The following HUNK variants were observed in gnomAD, a reference collection of about 807,000 sequenced individuals.
HUNK encodes the protein hormonally up-regulated neu tumor-associated kinase.
HUNK carries 21 observed loss-of-function variants against 61.0 expected under a neutral mutation model. The observed-to-expected ratio is 0.34, with a 90% CI of 0.24 to 0.50. The LOEUF (loss-of-function observed/expected upper bound fraction) is 0.50, where lower values mean the gene tolerates loss of function less well. Among genes scored for constraint, HUNK ranks in the 20% least tolerant of loss-of-function variants. The probability of loss-of-function intolerance (pLI) is 0.98; values close to 1 mark genes in which losing one functional copy is unlikely to be tolerated. For synonymous variants in HUNK, 371 were observed against 386.1 expected, an observed-to-expected ratio of 0.96 and a Z score of 0.46; for missense variants, 772 against 945.7, an observed-to-expected ratio of 0.82 and a Z score of 2.41.
rs772787408 is a variant in HUNK at position 31,974,527 on chromosome 21, A to G, written c.1011-28A>G. On this transcript the variant is annotated intron_variant, in intron 6 of 10. Transcript: ENST00000270112. ...GGGCTCTCCGTGAAGTGCAGGGGTGACTGGTCCTCTCTCTCTGCACCTCGC... is the reference window on the plus strand; with the variant it reads ...GGGCTCTCCGTGAAGTGCAGGGGTGGCTGGTCCTCTCTCTCTGCACCTCGC... 5 of 1,601,044 alleles carry G rather than the reference A, an allele frequency of 3.1e-6. No homozygotes were observed. The East Asian group carries it at 1.1e-4, about 36-fold the overall frequency.
chr21:31,885,687 C>T lies in HUNK; in HGVS notation c.261+11752C>T, dbSNP rs192027405. Among the ~76,000 whole-genome samples the T allele has an allele frequency of 3.3e-5, 5 of 152,258 alleles. No individual in the cohort carries two copies. In the South Asian group the frequency reaches 1.0e-3, roughly 32 times the overall value. ...GTCTTCTTCCTGTGTCTCTTTACATCGTCTGCCCTCCACGTGTGTCTGTCT... is the reference window on the plus strand; with the variant it reads ...GTCTTCTTCCTGTGTCTCTTTACATTGTCTGCCCTCCACGTGTGTCTGTCT... On this transcript the variant is annotated intron_variant, in intron 1 of 10. Coordinates refer to ENST00000270112, the MANE Select transcript of HUNK (RefSeq NM_014586.2).
At chr21:31,916,673 CTCTT>C (rs1000573560) in intron 1 of HUNK, among the ~76,000 whole-genome samples, 23 of 151,068 alleles carry the variant, frequency 1.5e-4, no homozygotes, top group Middle Eastern at 3.4e-3. Context: ...GGTTTCCTCT[CTCTT>C]TCTTTTTTTT....
chr21:31,962,357 T>C (rs1389699832), intron 5 of HUNK, among the ~76,000 whole-genome samples: 6 of 152,248 alleles, frequency 3.9e-5, no homozygotes, highest in African/African-American at 4.8e-5. Flanking sequence ...TTCAGAACCA[T>C]ACCTTGTTTT....
At chr21:31,940,490 A>G (rs2052762012) in intron 3 of HUNK, among the ~76,000 whole-genome samples, 1 of 152,234 alleles carries the variant, frequency 6.6e-6, no homozygotes, top group Admixed American at 6.5e-5. Context: ...TCTTTAAAAT[A>G]GTGAAAGATA....
chr21:31,917,695 TACACACACACAC>T (rs3056146), intron 1 of HUNK, among the ~76,000 whole-genome samples: 1,823 of 94,926 alleles, frequency 0.019, 15 homozygotes, highest in Middle Eastern at 0.036. Context: ...TTCCCAAACA[TACACACACACAC>T]ACACACACAC....
rs543376556 is a variant in HUNK, at chr21:31,926,988, T to C, written c.554+2228T>C. ...TTTCCTTTTTCTTTCTTTCTTCCTT[T>C]CTTTCTTTCTCTCTCTCTCTTTCTT... On this transcript the variant is annotated intron_variant, in intron 2 of 10. Transcript: ENST00000270112. Among the ~76,000 whole-genome samples the C allele has an allele frequency of 2.2e-3, 322 of 148,732 alleles. 2 individuals are homozygous for C. Among genetic ancestry groups the C allele is most frequent in the Non-Finnish European group, 2.2e-3 (149 of 66,430 alleles).
intron 8 of HUNK, among the ~76,000 whole-genome samples, chr21:31,987,867 G>C (rs536242324): frequency 1.1e-4 from 17 of 152,198 alleles, no homozygotes; most frequent in Non-Finnish European, 2.2e-4. Context: ...CACATGGCAG[G>C]GGGTGGAGCT....
chr21:31,956,838 A>G (rs1320786425), intron 4 of HUNK, among the ~76,000 whole-genome samples: 1 of 152,190 alleles, frequency 6.6e-6, no homozygotes, highest in African/African-American at 2.4e-5. Flanking sequence ...TTATTTGGTC[A>G]TACCACTTGT....
At chr21:31,943,867 G>T (rs2123829692) in intron 3 of HUNK, among the ~76,000 whole-genome samples, 1 of 152,310 alleles carries the variant, frequency 6.6e-6, no homozygotes, top group South Asian at 2.1e-4. Context: ...AGAGTCTTTT[G>T]CTTTGATCTC....
intron 4 of HUNK, among the ~76,000 whole-genome samples, chr21:31,951,189 T>C (rs377244830): frequency 6.9e-5 from 10 of 145,984 alleles, no homozygotes; most frequent in South Asian, 2.2e-4. Flanking sequence ...ATTATATGTA[T>C]AAATATATAT....
chr21:31,909,104 G>A (rs2052528442), intron 1 of HUNK, among the ~76,000 whole-genome samples: 1 of 152,176 alleles, frequency 6.6e-6, no homozygotes, highest in African/African-American at 2.4e-5. Context: ...GGGACTGAGG[G>A]TTAATTTTAT....
rs564060058 is a variant in HUNK at position 31,898,384 on chromosome 21, G to A, written c.261+24449G>A. 3.3e-5 allele frequency among the ~76,000 whole-genome samples: 5 copies of A among 152,238 alleles called. No individual in the cohort carries two copies. The East Asian group carries it at 5.8e-4, about 18-fold the overall frequency. ...AGTTTCAAGTGATTCTCTTGCCTCA[G>A]CCTCCCGAGTAGCTGGGACTATAGG... On this transcript the variant is annotated intron_variant, in intron 1 of 10. Transcript: ENST00000270112.
At chr21:31,901,847 G>C (rs2052470244) in intron 1 of HUNK, among the ~76,000 whole-genome samples, 1 of 152,094 alleles carries the variant, frequency 6.6e-6, no homozygotes, top group Non-Finnish European at 1.5e-5. Flanking sequence ...TGATTTAGGT[G>C]TTCACAATGA....
rs180845694 is a variant in HUNK, at chr21:31,973,190, T to A, written c.1011-1365T>A. 1.0e-3 allele frequency among the ~76,000 whole-genome samples: 155 copies of A among 152,248 alleles called. 1 individual carries two copies. The highest frequency in any genetic ancestry group is 1.5e-4 in the Non-Finnish European group (10 of 68,020). On this transcript the variant is annotated intron_variant, in intron 6 of 10. Coordinates refer to ENST00000270112, the MANE Select transcript of HUNK (RefSeq NM_014586.2). ...TTAATTTTTTTATTATACTTTTAAG[T>A]TCTAGGGTACATGTGCACAACGTGC...
At chr21:31,878,772 G>A (rs1420851822) in intron 1 of HUNK, among the ~76,000 whole-genome samples, 3 of 152,184 alleles carry the variant, frequency 2.0e-5, no homozygotes, top group Admixed American at 6.5e-5. Context: ...AAGCTGAATC[G>A]AGAAAAGAGT....
chr21:31,928,500 C>T (rs899488861), intron 2 of HUNK, among the ~76,000 whole-genome samples: 2 of 152,302 alleles, frequency 1.3e-5, no homozygotes, highest in African/African-American at 4.8e-5. Flanking sequence ...GCTTTTTCTA[C>T]TTTTGCCTCT....
chr21:31,896,001 G>A (rs1459094059), intron 1 of HUNK, among the ~76,000 whole-genome samples: 1 of 152,180 alleles, frequency 6.6e-6, no homozygotes, highest in Non-Finnish European at 1.5e-5. Flanking sequence ...ATCCAATGTA[G>A]CTGGTATGCC....
At chr21:31,898,343 G>A (rs886076033) in intron 1 of HUNK, among the ~76,000 whole-genome samples, 26 of 152,136 alleles carry the variant, frequency 1.7e-4, no homozygotes, top group Non-Finnish European at 7.3e-5. Flanking sequence ...TCGGCTCACT[G>A]CAACCTCCGC....
intron 2 of HUNK, among the ~76,000 whole-genome samples, chr21:31,929,639 T>G (rs1474035277): frequency 6.6e-6 from 1 of 152,136 alleles, no homozygotes; most frequent in Non-Finnish European, 1.5e-5. Flanking sequence ...CACAACTGGG[T>G]AATACAATAC....
Sources: gnomAD v4.1 joint callset for allele counts (sites outside exome capture counted in the v4.1 genomes callset) on GRCh38, gnomAD v4.1.1 for gene constraint, MANE v1.5 for transcripts, NCBI Gene and HGNC (gene_info 2026-07-23, HGNC 2026-07-21) for gene names.